The following CACNA1H variants were observed in gnomAD, a reference collection of about 807,000 sequenced individuals.
The protein encoded by CACNA1H is calcium voltage-gated channel subunit alpha1 H, also known as voltage-dependent T-type calcium channel subunit alpha-1H.
CACNA1H carries 149 observed loss-of-function variants against 192.5 expected under a neutral mutation model. The observed-to-expected ratio is 0.77, with a 90% CI of 0.68 to 0.89. The LOEUF is 0.89. Among genes scored for constraint, CACNA1H ranks in the 40% least tolerant of loss-of-function variants. The pLI is 0.00. For synonymous variants in CACNA1H, 2,202 were observed against 1,475.2 expected (o/e 1.49, Z -11.29); for missense variants, 4,257 against 3,423.5 (o/e 1.24, Z -6.08).
chr16:1,153,706 C>T lies in CACNA1H; in HGVS notation c.-18-14C>T. 1.1e-5 allele frequency: 13 copies of T among 1,195,516 alleles called. No homozygotes were observed. Among genetic ancestry groups the T allele is most frequent in the Non-Finnish European group, 1.3e-5 (13 of 965,164 alleles). The allele number at this position is 1,195,516 out of a possible 1,614,324, so 74.1% of individuals were successfully genotyped here. ...CGTCGCCACCGGCCCCGGGTCACCC[C>T]CTGTCCTCTGCAGGTGCTGCCGGCC... On this transcript the variant is annotated splice_polypyrimidine_tract_variant and intron_variant, in intron 1 of 34. Transcript: ENST00000348261.
At position 1,153,460 on chromosome 16, in the gene CACNA1H, A is replaced by G. The variant is rs1012976989; in HGVS notation, c.-29A>G. On this transcript the variant is annotated 5_prime_UTR_variant, in exon 1 of 35. Coordinates refer to ENST00000348261, the MANE Select transcript of CACNA1H (RefSeq NM_021098.3). Reference sequence around the variant, plus strand: ...GATGCCCGCGGGGACGCCGCCGGCCAGCAGAGCGAGGTGAGACGCGGCGAG... The same window carrying G: ...GATGCCCGCGGGGACGCCGCCGGCCGGCAGAGCGAGGTGAGACGCGGCGAG... 7.3e-4 allele frequency: 131 copies of G among 179,248 alleles called. 2 individuals carry two copies. The East Asian group carries it at 0.014, about 19-fold the overall frequency. 11.1% of individuals were successfully genotyped at this position (179,248 alleles called of 1,614,324 possible). A position where few individuals can be genotyped will look rare whatever the true frequency, so the allele number is the denominator to read the frequency against.
Position 1,201,728 on chromosome 16 carries a change from G to A in CACNA1H, c.1278G>A (p.Lys426=), listed in dbSNP as rs760752688. 16 of 1,610,412 alleles carry A rather than the reference G, an allele frequency of 9.9e-6. No individual in the cohort carries two copies. The highest frequency in any genetic ancestry group is 4.4e-5 in the South Asian group (4 of 90,674). Residue 426 remains lysine, a synonymous_variant, in exon 9 of 35, where the codon AAG becomes AAA. Transcript: ENST00000348261. The part of the protein sequence containing the change: ...VVIATQFSET[K]QRESQLMREQ... Reference sequence around the variant, plus strand: ...TTGCCACGCAGTTCTCGGAGACGAAGCAGCGGGAGAGTCAGCTGATGCGGG... The same window carrying A: ...TTGCCACGCAGTTCTCGGAGACGAAACAGCGGGAGAGTCAGCTGATGCGGG...
chr16:1,187,469 C>A (rs1966186499), intron 2 of CACNA1H, among the ~76,000 whole-genome samples: 1 of 152,242 alleles, frequency 6.6e-6, no homozygotes, highest in African/African-American at 2.4e-5. Context: ...CCTTTCCCGC[C>A]CACACCCCTG....
At chr16:1,178,796 C>T (rs1035685456) in intron 2 of CACNA1H, among the ~76,000 whole-genome samples, 5 of 152,212 alleles carry the variant, frequency 3.3e-5, no homozygotes, top group Non-Finnish European at 5.9e-5. Flanking sequence ...CTCCAGAAGT[C>T]GGGGTTGGGG....
At chr16:1,192,731 C>T (rs1966730724) in intron 2 of CACNA1H, among the ~76,000 whole-genome samples, 1 of 152,132 alleles carries the variant, frequency 6.6e-6, no homozygotes. Flanking sequence ...TGGGGGGTCT[C>T]CGGGGTGATC....
intron 2 of CACNA1H, among the ~76,000 whole-genome samples, chr16:1,193,167 TC>T (rs1304038715): frequency 1.3e-5 from 2 of 152,172 alleles, no homozygotes; most frequent in Non-Finnish European, 2.9e-5. Context: ...GCCAGCCTGT[TC>T]CGTTTACCCA....
At position 1,211,547 on chromosome 16, in the gene CACNA1H, T is replaced by A. The variant is rs753727476; in HGVS notation, c.4417T>A (p.Cys1473Ser). 6.2e-7 allele frequency: 1 copy of A among 1,612,288 alleles called. No individual in the cohort carries two copies. Among genetic ancestry groups the A allele is most frequent in the Non-Finnish European group, 8.5e-7 (1 of 1,179,672 alleles). ...CAGGAACATCTCCACCAAGGCACAGTGCCGGGCCGCCCACTACCGCTGGGT... is the reference window on the plus strand; with the variant it reads ...CAGGAACATCTCCACCAAGGCACAGAGCCGGGCCGCCCACTACCGCTGGGT... ...DTRNISTKAQ[C>S]RAAHYRWVRR... is the part of the protein sequence containing the mutation. The change falls in exon 23 of 35, where the codon TGC becomes AGC. Residue 1473 changes from cysteine to serine, a missense_variant. Coordinates refer to ENST00000348261, the MANE Select transcript of CACNA1H (RefSeq NM_021098.3).
chr16:1,188,851 A>G (rs1966321785), intron 2 of CACNA1H, among the ~76,000 whole-genome samples: 1 of 152,102 alleles, frequency 6.6e-6, no homozygotes, highest in African/African-American at 2.4e-5. Context: ...TACATCCAGG[A>G]CAGGCCCAGG....
At position 1,207,850 on chromosome 16, in the gene CACNA1H, C is replaced by G. The variant is rs1366146050; in HGVS notation, c.3144C>G (p.Leu1048=). Residue 1048 remains leucine, a synonymous_variant, in exon 15 of 35, where the codon CTC becomes CTG. Transcript: ENST00000348261. ...AGGACTTCCACAAGCTCAGAGAACT[C>G]CAGACCACAGGTGCGTGTGGTCGGT... The part of the protein sequence containing the change: ...FEEDFHKLRE[L]QTTELKMCSL... 1.9e-6 allele frequency: 3 copies of G among 1,594,438 alleles called. No individual in the cohort carries two copies. Among genetic ancestry groups the G allele is most frequent in the African/African-American group, 2.7e-5 (2 of 74,460 alleles).
In CACNA1H at chr16:1,211,530, TCTC is replaced by T. The variant is rs1969450096; in HGVS notation, c.4402_4404del (p.Ser1468del). On this transcript the variant is annotated inframe_deletion, in exon 23 of 35. Coordinates refer to ENST00000348261, the MANE Select transcript of CACNA1H (RefSeq NM_021098.3). ...TGCGAGGGCCCCGACACCAGGAACA[TCTC>T]CACCAAGGCACAGTGCCGGGCCGCC... The T allele has an allele frequency of 2.5e-6, 4 of 1,612,320 alleles. No individual in the cohort carries two copies. The South Asian group carries it at 3.3e-5, about 13-fold the overall frequency.
At chr16:1,198,933 T>TCCGTCCACCATGCTGC in intron 6 of CACNA1H, 159 bp downstream of exon 6, 1 of 659,744 alleles carries the variant, frequency 1.5e-6, no homozygotes, top group Non-Finnish European at 2.5e-6. Flanking sequence ...CACCATGCTG[T>TCCGTCCACCATGCTGC]CTCCCGCCCC....
At position 1,221,567 on chromosome 16, in the gene CACNA1H, C is replaced by A; in HGVS notation, c.*573C>A. ...GTGACACCTCACTAAGGGGCCGACC[C>A]CATGGAGTAACGCGCCCGGCCCCGA... On this transcript the variant is annotated 3_prime_UTR_variant, in exon 35 of 35. Transcript: ENST00000348261. The A allele has an allele frequency of 1.8e-6, 1 of 555,092 alleles. No homozygotes were observed. Among genetic ancestry groups the A allele is most frequent in the Non-Finnish European group, 3.2e-6 (1 of 317,260 alleles). 34.4% of individuals were successfully genotyped at this position (555,092 alleles called of 1,614,324 possible).
At chr16:1,210,217 A>G (rs1418912835) in intron 18 of CACNA1H, 82 bp downstream of exon 18, 5 of 1,298,898 alleles carry the variant, frequency 3.8e-6, no homozygotes, top group Non-Finnish European at 5.4e-6. Context: ...GGGTGGGGCT[A>G]GCACATGGTG....
At chr16:1,208,305 G>T in intron 16 of CACNA1H, 84 bp downstream of exon 16, 1 of 944,906 alleles carries the variant, frequency 1.1e-6, no homozygotes, top group East Asian at 2.6e-5. Flanking sequence ...GAAGATGAGT[G>T]AGGGCCGCAC....
intron 22 of CACNA1H, 23 bp downstream of exon 22, chr16:1,211,317 GGGGTCTGCCCCGTCGCAGACA>G (rs751282775): frequency 1.2e-5 from 19 of 1,612,464 alleles, no homozygotes; most frequent in Non-Finnish European, 1.5e-5. Context: ...CACGTGCCCG[GGGGTCTGCCCCGTCGCAGACA>G]GGGTCTGCCT....
rs1415593075 is a variant in CACNA1H at position 1,199,084 on chromosome 16, C to A, written c.803+310C>A. The A allele has an allele frequency of 1.9e-4, 36 of 191,874 alleles. 2 individuals carry two copies. The Middle Eastern group carries it at 4.6e-3, about 25-fold the overall frequency. The allele number at this position is 191,874 out of a possible 1,614,324, so 11.9% of individuals were successfully genotyped here. A position where few individuals can be genotyped will look rare whatever the true frequency, so the allele number is the denominator to read the frequency against. On this transcript the variant is annotated intron_variant, in intron 6 of 34. Coordinates refer to ENST00000348261, the MANE Select transcript of CACNA1H (RefSeq NM_021098.3). ...CGCTGCACATATGCCCCACCCCCCA[C>A]CATGGCTCTGCCCACCACGCAGTCG...
intron 16 of CACNA1H, among the ~76,000 whole-genome samples, 190 bp downstream of exon 16, chr16:1,208,411 G>T (rs1481052321): frequency 6.6e-6 from 1 of 152,212 alleles, no homozygotes; most frequent in Non-Finnish European, 1.5e-5. Flanking sequence ...TGTGAGGCCG[G>T]TGTGAAGGGG....
At chr16:1,214,323 G>T (rs1483430482) in intron 27 of CACNA1H, among the ~76,000 whole-genome samples, 1 of 152,230 alleles carries the variant, frequency 6.6e-6, no homozygotes, top group Non-Finnish European at 1.5e-5. Context: ...CGTCCTCCCA[G>T]CCTTTTAGAA....
chr16:1,154,925 T>TC (rs932643621), intron 2 of CACNA1H, among the ~76,000 whole-genome samples: 1 of 152,030 alleles, frequency 6.6e-6, no homozygotes, highest in African/African-American at 2.4e-5. Flanking sequence ...GGGCCGGGTC[T>TC]CCCCACCGGC....
Sources: allele counts gnomAD v4.1 joint callset (sites outside exome capture counted in the v4.1 genomes callset), GRCh38; gene constraint gnomAD v4.1.1; transcripts MANE v1.5; gene names NCBI Gene and HGNC (gene_info 2026-07-23, HGNC 2026-07-21).